The following SLC43A2 variants were observed in gnomAD, a reference collection of about 807,000 sequenced individuals.
The protein encoded by SLC43A2 is solute carrier family 43 member 2.
Under a neutral mutation model 63.2 loss-of-function variants are expected in SLC43A2, and 38 were observed. That is an observed-to-expected ratio of 0.60 (90% confidence interval 0.46 to 0.79). The LOEUF (loss-of-function observed/expected upper bound fraction) is 0.79, where lower values mean the gene tolerates loss of function less well. Ranked by LOEUF, SLC43A2 falls within the 30% of genes least tolerant of loss-of-function variation. The pLI is 0.00. For missense variants in SLC43A2, 644 were observed against 756.2 expected, an observed-to-expected ratio of 0.85 and a Z score of 1.74; for synonymous variants, 322 against 331.0, an observed-to-expected ratio of 0.97 and a Z score of 0.30.
chr17:1,591,730 G>A lies in SLC43A2; in HGVS notation c.595-31C>T, dbSNP rs759188303. On this transcript the variant is annotated intron_variant, in intron 6 of 13. Transcript: ENST00000301335. ...AGGCACCGCGGGGACGGGGTGGGGG[G>A]GGGAGGGGGCAGAGTTAGCCCGGGG... is the stretch of plus-strand genomic sequence containing the variant. 10 of 823,062 alleles carry A rather than the reference G, an allele frequency of 1.2e-5. No individual in the cohort carries two copies. In the South Asian group the frequency reaches 1.4e-4, roughly 12 times the overall value. 51.0% of individuals were successfully genotyped at this position (823,062 alleles called of 1,614,324 possible).
chr17:1,621,805 A>G (rs901429871), intron 2 of SLC43A2, among the ~76,000 whole-genome samples: 8 of 152,198 alleles, frequency 5.3e-5, no homozygotes, highest in African/African-American at 1.9e-4. Context: ...TCAGACCCCA[A>G]AGCTCCCGCT....
Position 1,577,356 on chromosome 17 carries a change from C to T in SLC43A2, c.1425-636G>A, listed in dbSNP as rs1254536724. Reference sequence around the variant, plus strand: ...AGGAGTGTGGAGGCTGGGCTTGGCTCTGCAGTGCCCTCGTCCAGAGAAGCA... The same window carrying T: ...AGGAGTGTGGAGGCTGGGCTTGGCTTTGCAGTGCCCTCGTCCAGAGAAGCA... On this transcript the variant is annotated intron_variant, in intron 12 of 13. Transcript: ENST00000301335. The surrounding 1 kb of genome is among the most constrained non-coding windows in gnomAD (Gnocchi z 4.9). Among the ~76,000 whole-genome samples the T allele has an allele frequency of 6.6e-6, 1 of 152,188 alleles. No homozygotes were observed. Among genetic ancestry groups the T allele is most frequent in the African/African-American group, 2.4e-5 (1 of 41,444 alleles).
Position 1,575,483 on chromosome 17 carries a change from G to C in SLC43A2, c.*121C>G. ...CTCCGAGGCAGGGCCCCGGGAGGGA[G>C]CGTGAACGCTGGCACGGAGACGGCG... On this transcript the variant is annotated 3_prime_UTR_variant, in exon 14 of 14. Transcript: ENST00000301335. 1 of 1,315,736 alleles carries C rather than the reference G, an allele frequency of 7.6e-7. No individual in the cohort carries two copies. The highest frequency in any genetic ancestry group is 1.8e-5 in the Admixed American group (1 of 54,408). The allele number at this position is 1,315,736 out of a possible 1,614,324, so 81.5% of individuals were successfully genotyped here.
chr17:1,611,911 C>CAG (rs56360046), intron 5 of SLC43A2, among the ~76,000 whole-genome samples: 147,039 of 152,178 alleles, frequency 0.97, 71,267 homozygotes, highest in East Asian at 1. Context: ...GGCGAGCCCA[C>CAG]AGAGTTCCCT....
At chr17:1,612,089 G>A (rs956907801) in intron 5 of SLC43A2, among the ~76,000 whole-genome samples, 12 of 152,012 alleles carry the variant, frequency 7.9e-5, no homozygotes, top group African/African-American at 2.2e-4. Context: ...CTCAGCCTCC[G>A]AGTAGCTGGG....
At chr17:1,594,595 T>TTC (rs1567625290) in intron 5 of SLC43A2, among the ~76,000 whole-genome samples, 88 of 143,142 alleles carry the variant, frequency 6.1e-4, no homozygotes, top group African/African-American at 2.2e-3. Context: ...TCTTTCTTTT[T>TTC]TTTTTTTTTT....
At chr17:1,611,196 C>T (rs1015183450) in intron 5 of SLC43A2, among the ~76,000 whole-genome samples, 4 of 151,976 alleles carry the variant, frequency 2.6e-5, no homozygotes, top group African/African-American at 7.2e-5. Flanking sequence ...AAACACCTCT[C>T]GGCATTTCGG....
At chr17:1,581,829 A>G (rs767601457) in intron 11 of SLC43A2, among the ~76,000 whole-genome samples, 1,561 of 149,792 alleles carry the variant, frequency 0.01, 10 homozygotes, top group Non-Finnish European at 0.017. Flanking sequence ...TTTTTGAGAC[A>G]CAGCCTCACT....
At chr17:1,588,508 T>G (rs1298945137) in intron 9 of SLC43A2, among the ~76,000 whole-genome samples, 6 of 142,248 alleles carry the variant, frequency 4.2e-5, no homozygotes, top group African/African-American at 1.6e-4. Flanking sequence ...CTGGGAAAAA[T>G]AGCAAGACCT....
At chr17:1,575,798 C>T (rs541344515) in intron 13 of SLC43A2, 33 bp from the exon 14 acceptor site, 17 of 1,574,714 alleles carry the variant, frequency 1.1e-5, no homozygotes, top group African/African-American at 9.4e-5. Context: ...CATCACAGGG[C>T]GTGGTGGTGC....
At chr17:1,585,399 C>T (rs1039080450) in intron 10 of SLC43A2, 13 of 356,492 alleles carry the variant, frequency 3.6e-5, no homozygotes, top group South Asian at 1.4e-4. Context: ...GCGCCGCCAC[C>T]GCACCTGGCT....
chr17:1,582,540 G>A (rs928859352), intron 11 of SLC43A2, among the ~76,000 whole-genome samples: 9 of 152,156 alleles, frequency 5.9e-5, no homozygotes, highest in East Asian at 1.9e-4. Flanking sequence ...TGCTTGAGCC[G>A]ATACAAAACA....
At chr17:1,581,692 G>A (rs890514608) in intron 11 of SLC43A2, among the ~76,000 whole-genome samples, 1 of 152,172 alleles carries the variant, frequency 6.6e-6, no homozygotes, top group Non-Finnish European at 1.5e-5. Flanking sequence ...CCTACTGCTA[G>A]ACCACTTTCA....
intron 9 of SLC43A2, chr17:1,586,877 T>C (rs2076109981): frequency 2.0e-6 from 3 of 1,501,528 alleles, no homozygotes; most frequent in East Asian, 2.5e-5. Flanking sequence ...GAGGAGCTTC[T>C]GGGTTGAACA....
At chr17:1,629,109 G>A (rs1908964863), upstream of SLC43A2, among the ~76,000 whole-genome samples, 1 of 152,152 alleles carries the variant, frequency 6.6e-6, no homozygotes, top group African/African-American at 2.4e-5. Context: ...ACATCGCCCC[G>A]CGGCCTCTCC....
At chr17:1,609,160 TG>T (rs1234489168) in intron 5 of SLC43A2, among the ~76,000 whole-genome samples, 3 of 152,086 alleles carry the variant, frequency 2.0e-5, no homozygotes, top group African/African-American at 7.2e-5. Context: ...GGAAGGGACA[TG>T]GAGGAAAAGA....
intron 5 of SLC43A2, among the ~76,000 whole-genome samples, chr17:1,596,121 C>T (rs1015313019): frequency 1.3e-5 from 2 of 151,886 alleles, no homozygotes; most frequent in African/African-American, 4.8e-5. Flanking sequence ...CAGTTCAACA[C>T]CAGCCTGGCC....
chr17:1,591,227 G>A (rs1485206502), intron 8 of SLC43A2, 42 bp downstream of exon 8: 1 of 1,592,268 alleles, frequency 6.3e-7, no homozygotes, highest in Non-Finnish European at 8.5e-7. Flanking sequence ...TACCCACAGA[G>A]CACTCCCTGC....
At chr17:1,592,139 C>T (rs1904876526) in intron 6 of SLC43A2, among the ~76,000 whole-genome samples, 2 of 150,214 alleles carry the variant, frequency 1.3e-5, no homozygotes. Flanking sequence ...CAAAGAAATG[C>T]TCAAGGAAGC....
Sources: allele counts gnomAD v4.1 joint callset (sites outside exome capture counted in the v4.1 genomes callset), GRCh38; gene constraint gnomAD v4.1.1; non-coding constraint Gnocchi (gnomAD v3.1); transcripts MANE v1.5; gene names NCBI Gene and HGNC (gene_info 2026-07-23, HGNC 2026-07-21).